AGAP1: variants seen among roughly 807,000 people sequenced by gnomAD.
AGAP1 encodes the protein ArfGAP with GTPase domain, ankyrin repeat and PH domain 1.
In AGAP1, 29 loss-of-function variants were observed where a neutral mutation model predicts 105.3. The observed-to-expected ratio is 0.28, with a 90% CI of 0.21 to 0.38. The LOEUF is 0.38. Ranked by LOEUF, AGAP1 falls within the 10% of genes least tolerant of loss-of-function variation. AGAP1 has a pLI of 1.00. For missense variants in AGAP1, 998 were observed against 1,165.1 expected (o/e 0.86, Z 2.09); for synonymous variants, 509 against 485.9 (o/e 1.05, Z -0.63).
Position 235,893,490 on chromosome 2 carries a change from C to G in AGAP1, c.1155+10041C>G, listed in dbSNP as rs149342849. Among the ~76,000 whole-genome samples the G allele has an allele frequency of 4.8e-4, 70 of 147,294 alleles. No homozygotes were observed. Among genetic ancestry groups the G allele is most frequent in the African/African-American group, 1.7e-3 (68 of 39,658 alleles). On this transcript the variant is annotated intron_variant, in intron 10 of 17. Coordinates refer to ENST00000304032, the MANE Select transcript of AGAP1 (RefSeq NM_001037131.3). The surrounding 1 kb of genome is among the most constrained non-coding windows in gnomAD (Gnocchi z 4.7). ...GCACCATGTCCATCATAAGGGTGAGCCATGTTTGTGGCGTGGGTGTGGCAT... is the reference window on the plus strand; with the variant it reads ...GCACCATGTCCATCATAAGGGTGAGGCATGTTTGTGGCGTGGGTGTGGCAT...
In AGAP1 at chr2:236,113,834, G is replaced by A. The variant is rs139203551; in HGVS notation, c.2115-6358G>A. On this transcript the variant is annotated intron_variant, in intron 16 of 17. Transcript: ENST00000304032. This position sits in a 1 kb window ranked among gnomAD's most constrained non-coding sequence, Gnocchi z 4.3. ...CTGTGCTCAGTGCCTGGCTGTCCCTGTGGATGGCTTCCTGTCATGGCCCAG... is the reference window on the plus strand; with the variant it reads ...CTGTGCTCAGTGCCTGGCTGTCCCTATGGATGGCTTCCTGTCATGGCCCAG... Among the ~76,000 whole-genome samples, 1 of 152,320 alleles carries A rather than the reference G, an allele frequency of 6.6e-6. No individual in the cohort carries two copies. Among genetic ancestry groups the A allele is most frequent in the African/African-American group, 2.4e-5 (1 of 41,578 alleles).
chr2:235,597,911 C>T (rs564599260), intron 1 of AGAP1, among the ~76,000 whole-genome samples: 1 of 118,008 alleles, frequency 8.5e-6, no homozygotes, highest in Admixed American at 7.8e-5. Flanking sequence ...GGAGCGTGCA[C>T]GCGCTCCCGT....
chr2:235,921,292 G>T (rs1471274817), intron 11 of AGAP1, among the ~76,000 whole-genome samples: 3 of 152,116 alleles, frequency 2.0e-5, no homozygotes, highest in Non-Finnish European at 2.9e-5. Flanking sequence ...TGGGGAAAAT[G>T]GTTAGGAAAT....
intron 9 of AGAP1, among the ~76,000 whole-genome samples, chr2:235,808,829 C>T (rs1957978995): frequency 6.6e-6 from 1 of 152,170 alleles, no homozygotes; most frequent in Non-Finnish European, 1.5e-5. Context: ...GAACTTTCCA[C>T]TTTGATGATG....
rs1298170413 is a variant in AGAP1 at position 235,577,115 on chromosome 2, A to G, written c.163+82266A>G. ...TGTACCTCTGTCCAGTGGAAGTAGA[A>G]TGCCAGCCACATACGTCATTTAAAG... On this transcript the variant is annotated intron_variant, in intron 1 of 17. Coordinates refer to ENST00000304032, the MANE Select transcript of AGAP1 (RefSeq NM_001037131.3). The surrounding 1 kb of genome is among the most constrained non-coding windows in gnomAD (Gnocchi z 4.5). Among the ~76,000 whole-genome samples the G allele has an allele frequency of 1.3e-5, 2 of 152,248 alleles. No homozygotes were observed. The highest frequency in any genetic ancestry group is 2.9e-5 in the Non-Finnish European group (2 of 68,050).
Position 236,120,239 on chromosome 2 carries a change from T to G in AGAP1, c.2162T>G (p.Phe721Cys). 1 of 1,613,372 alleles carries G rather than the reference T, an allele frequency of 6.2e-7. No homozygotes were observed. The highest frequency in any genetic ancestry group is 8.5e-7 in the Non-Finnish European group (1 of 1,179,582). The change falls in exon 17 of 18, where the codon TTC becomes TGC. Residue 721 changes from phenylalanine to cysteine, a missense_variant. Phe to Cys is a radical substitution (Grantham distance 205). Around this residue, in one of 3 missense-constraint regions of AGAP1, gnomAD observed 235 missense variants for 270.7 expected, o/e 0.87. Transcript: ENST00000304032. The surrounding 1 kb of genome is among the most constrained non-coding windows in gnomAD (Gnocchi z 6.0). ...WIRAKYEQKL[F>C]LAPLPCTELS... The stretch of plus-strand genomic sequence containing the variant: ...CGTGCCAAGTACGAGCAGAAGCTCT[T>G]CCTGGCCCCGCTGCCCTGCACGGAG...
intron 16 of AGAP1, among the ~76,000 whole-genome samples, chr2:236,054,994 C>T (rs1313484747): frequency 3.3e-5 from 5 of 152,168 alleles, no homozygotes; most frequent in African/African-American, 1.2e-4. Flanking sequence ...CATTTTGCAA[C>T]TGGCTGATTT....
chr2:235,607,287 C>T (rs1387610046), intron 1 of AGAP1, among the ~76,000 whole-genome samples: 1 of 152,194 alleles, frequency 6.6e-6, no homozygotes. Flanking sequence ...CATGATTTAG[C>T]CCACCAGTAC....
rs935607220 is a variant in AGAP1 at position 235,983,247 on chromosome 2, G to A, written c.1645+14624G>A. On this transcript the variant is annotated intron_variant, in intron 13 of 17. Coordinates refer to ENST00000304032, the MANE Select transcript of AGAP1 (RefSeq NM_001037131.3). This position sits in a 1 kb window ranked among gnomAD's most constrained non-coding sequence, Gnocchi z 4.5. ...CTTTACAGGTGTGCAAAGGACCAGC[G>A]CTGCTGCAGGGAACATGGCTGGGAG... is the stretch of plus-strand genomic sequence containing the variant. Among the ~76,000 whole-genome samples, 3 of 152,056 alleles carry A rather than the reference G, an allele frequency of 2.0e-5. No homozygotes were observed. Among genetic ancestry groups the A allele is most frequent in the Non-Finnish European group, 2.9e-5 (2 of 67,992 alleles).
rs1228336526 is a variant in AGAP1 at position 235,517,844 on chromosome 2, G to C, written c.163+22995G>C. On this transcript the variant is annotated intron_variant, in intron 1 of 17. Transcript: ENST00000304032. The surrounding 1 kb of genome is among the most constrained non-coding windows in gnomAD (Gnocchi z 4.1). ...CCCAGCTACACGGGAGGCTGAGGCA[G>C]GAGAATCTCTTGAACCCGGGAAGTG... 2.0e-5 allele frequency among the ~76,000 whole-genome samples: 3 copies of C among 150,712 alleles called. No individual in the cohort carries two copies. Among genetic ancestry groups the C allele is most frequent in the Non-Finnish European group, 4.4e-5 (3 of 67,966 alleles).
At position 235,611,725 on chromosome 2, in the gene AGAP1, T is replaced by G. The variant is rs1436322775; in HGVS notation, c.164-97454T>G. 6.6e-6 allele frequency among the ~76,000 whole-genome samples: 1 copy of G among 152,238 alleles called. No homozygotes were observed. The highest frequency in any genetic ancestry group is 1.9e-4 in the East Asian group (1 of 5,202). On this transcript the variant is annotated intron_variant, in intron 1 of 17. Transcript: ENST00000304032. The surrounding 1 kb of genome is among the most constrained non-coding windows in gnomAD (Gnocchi z 5.0). ...ACAACCTTGAGTTTCTGTTGAAATCTAGATTTGGTATAACTGTCTTCATTT... is the reference window on the plus strand; with the variant it reads ...ACAACCTTGAGTTTCTGTTGAAATCGAGATTTGGTATAACTGTCTTCATTT...
At chr2:235,763,714 G>A (rs1281723416) in intron 6 of AGAP1, among the ~76,000 whole-genome samples, 1 of 152,110 alleles carries the variant, frequency 6.6e-6, no homozygotes, top group African/African-American at 2.4e-5. Context: ...TATTCATTTT[G>A]AAAACCTCTA....
intron 1 of AGAP1, among the ~76,000 whole-genome samples, chr2:235,524,850 G>C (rs578080962): frequency 9.2e-5 from 14 of 152,282 alleles, no homozygotes; most frequent in African/African-American, 2.6e-4. Flanking sequence ...GTCTTCTTGG[G>C]CCGATTGTTG....
chr2:235,513,560 A>G (rs1340468521), intron 1 of AGAP1, among the ~76,000 whole-genome samples: 11 of 146,546 alleles, frequency 7.5e-5, no homozygotes, highest in Admixed American at 5.5e-4. Flanking sequence ...AATGCAGATC[A>G]CTGGGCTCCA....
intron 10 of AGAP1, among the ~76,000 whole-genome samples, chr2:235,896,340 C>T (rs533004021): frequency 6.6e-6 from 1 of 152,268 alleles, no homozygotes; most frequent in South Asian, 2.1e-4. Flanking sequence ...TTTTGTTTGT[C>T]CATGGATGGA....
At chr2:235,819,023 G>C (rs1418108825) in intron 9 of AGAP1, among the ~76,000 whole-genome samples, 1 of 152,216 alleles carries the variant, frequency 6.6e-6, no homozygotes, top group Non-Finnish European at 1.5e-5. Flanking sequence ...AGGTCCTTGA[G>C]CTCCAGTGTT....
chr2:235,970,075 G>T lies in AGAP1; in HGVS notation c.1645+1452G>T, dbSNP rs1179828377. On this transcript the variant is annotated intron_variant, in intron 13 of 17. Transcript: ENST00000304032. The surrounding 1 kb of genome is among the most constrained non-coding windows in gnomAD (Gnocchi z 5.4). ...AAATTAGCTGGATGTGGTGGCACAT[G>T]CCTGTAATCCCAGCTACCTGAGAGG... Among the ~76,000 whole-genome samples the T allele has an allele frequency of 1.3e-5, 2 of 152,002 alleles. No individual in the cohort carries two copies. Among genetic ancestry groups the T allele is most frequent in the Non-Finnish European group, 2.9e-5 (2 of 68,002 alleles).
chr2:236,042,734 T>A lies in AGAP1; in HGVS notation c.1891+1893T>A, dbSNP rs1328671054. Among the ~76,000 whole-genome samples the A allele has an allele frequency of 1.3e-5, 2 of 152,028 alleles. No individual in the cohort carries two copies. The highest frequency in any genetic ancestry group is 3.9e-4 in the East Asian group (2 of 5,152). ...ATGGGGGGTGGGAAAGGGAGGCCAGTGCAGGGGAGGTGTGGGCCAGTTTGT... is the reference window on the plus strand; with the variant it reads ...ATGGGGGGTGGGAAAGGGAGGCCAGAGCAGGGGAGGTGTGGGCCAGTTTGT... On this transcript the variant is annotated intron_variant, in intron 15 of 17. Coordinates refer to ENST00000304032, the MANE Select transcript of AGAP1 (RefSeq NM_001037131.3). This position sits in a 1 kb window ranked among gnomAD's most constrained non-coding sequence, Gnocchi z 5.6.
chr2:235,776,516 C>A (rs1654339108), intron 6 of AGAP1, among the ~76,000 whole-genome samples: 1 of 152,196 alleles, frequency 6.6e-6, no homozygotes, highest in Non-Finnish European at 1.5e-5. Context: ...GGTTTCCAAA[C>A]TTGTTTTTGG....
Sources: gnomAD v4.1 joint callset for allele counts (sites outside exome capture counted in the v4.1 genomes callset) on GRCh38, gnomAD v4.1.1 for gene constraint, gnomAD v4.1.1 regional missense constraint, Gnocchi (gnomAD v3.1) non-coding constraint, MANE v1.5 for transcripts, NCBI Gene and HGNC (gene_info 2026-07-23, HGNC 2026-07-21) for gene names.